Variants in HAPLN4 observed in about 807,000 individuals in gnomAD.
HAPLN4 encodes the protein hyaluronan and proteoglycan link protein 4, also known as brain link protein 2.
HAPLN4 carries 19 observed loss-of-function variants against 28.0 expected under a neutral mutation model. The ratio of observed to expected loss-of-function variants is 0.68; its 90% CI spans 0.47 to 1.00. HAPLN4 has a LOEUF of 1.00. HAPLN4 is among the 50% of genes least tolerant of loss of function. The pLI is 0.00. For synonymous variants in HAPLN4, 274 were observed against 273.0 expected, an observed-to-expected ratio of 1.00 and a Z score of -0.03; for missense variants, 587 against 602.6, an observed-to-expected ratio of 0.97 and a Z score of 0.27.
rs2060971689 is a variant in HAPLN4, at chr19:19,258,098, A to ACGCGG, written c.923_927dup (p.Trp310ProfsTer8). 6.4e-7 allele frequency: 1 copy of ACGCGG among 1,552,314 alleles called. No homozygotes were observed. Among genetic ancestry groups the ACGCGG allele is most frequent in the Non-Finnish European group, 8.7e-7 (1 of 1,155,958 alleles). ...CAGCGGTCTAGCAGCTGCAGCTTCC[A>ACGCGG]CGCGGCGAACAGCTGCCCCACCTTG... On this transcript the variant is annotated frameshift_variant, in exon 5 of 5. Transcript: ENST00000291481. LOFTEE classifies it low-confidence loss of function (END_TRUNC). This position sits in a 1 kb window ranked among gnomAD's most constrained non-coding sequence, Gnocchi z 6.2.
At chr19:19,259,448 G>A (rs1457194569) in intron 3 of HAPLN4, among the ~76,000 whole-genome samples, 1 of 152,228 alleles carries the variant, frequency 6.6e-6, no homozygotes, top group African/African-American at 2.4e-5. Flanking sequence ...TATTTTGTGT[G>A]TCTGTGTTTG....
Position 19,261,454 on chromosome 19 carries a change from T to G in HAPLN4, c.113A>C (p.His38Pro). 1.2e-6 allele frequency: 2 copies of G among 1,611,466 alleles called. No individual in the cohort carries two copies. The highest frequency in any genetic ancestry group is 1.1e-5 in the South Asian group (1 of 91,056). The change falls in exon 2 of 5, where the codon CAC (histidine) becomes CCC (proline). Residue 38 changes from histidine (H) to proline (P), a missense_variant. Transcript: ENST00000291481. ...GAQRGRKKVV[H>P]VLEGESGSVV... ...TAGCGGCCCTGACTCACCCAGCACG[T>G]GCACGACCTTCTTCCGGCCACGCTG...
chr19:19,261,429 T>C lies in HAPLN4; in HGVS notation c.121+17A>G, dbSNP rs762280494. ...TGCTTTTCGCGGAGAAGACCACTTT[T>C]AGCGGCCCTGACTCACCCAGCACGT... On this transcript the variant is annotated intron_variant, in intron 2 of 4. Transcript: ENST00000291481. 2 of 1,600,328 alleles carry C rather than the reference T, an allele frequency of 1.2e-6. No individual in the cohort carries two copies. The highest frequency in any genetic ancestry group is 1.7e-6 in the Non-Finnish European group (2 of 1,168,738).
chr19:19,262,677 T>C, intron 1 of HAPLN4, 53 bp downstream of exon 1: 1 of 1,598,740 alleles, frequency 6.3e-7, no homozygotes, highest in Non-Finnish European at 8.6e-7. Context: ...AGATATAGAA[T>C]CCAAGATTGG....
Position 19,258,573 on chromosome 19 carries a change from T to G in HAPLN4, c.767A>C (p.His256Pro). ...NGGLRNYGYR[H>P]NAEERYDAFC... ...GGCGTCGTAGCGTTCCTCGGCGTTA[T>G]GGCGATACCCGTAGTTGCGCAGGCC... Residue 256 changes from histidine to proline, a missense_variant, in exon 4 of 5, where the codon CAT becomes CCT. By Grantham distance (77) the His-to-Pro change is moderately conservative (BLOSUM62 -2). Transcript: ENST00000291481. This position sits in a 1 kb window ranked among gnomAD's most constrained non-coding sequence, Gnocchi z 6.2. 1 of 1,613,752 alleles carries G rather than the reference T, an allele frequency of 6.2e-7. No homozygotes were observed. The highest frequency in any genetic ancestry group is 8.5e-7 in the Non-Finnish European group (1 of 1,179,874).
chr19:19,258,135 G>A lies in HAPLN4; in HGVS notation c.891C>T (p.Gly297=), dbSNP rs1235596208. 1 of 1,549,890 alleles carries A rather than the reference G, an allele frequency of 6.5e-7. No homozygotes were observed. The highest frequency in any genetic ancestry group is 8.7e-7 in the Non-Finnish European group (1 of 1,155,014). The change falls in exon 5 of 5, where the codon GGC becomes GGT. Residue 297 remains glycine, a synonymous_variant. Coordinates refer to ENST00000291481, the MANE Select transcript of HAPLN4 (RefSeq NM_023002.3). The surrounding 1 kb of genome is among the most constrained non-coding windows in gnomAD (Gnocchi z 6.2). ...GCTGCCCCACCTTGGCCACGGCCGC[G>A]CCACGCGCAGCACACGCGCGCGCAG... ...SGAARACAAR[G]AAVAKVGQLF... is the part of the protein sequence containing the mutation.
rs2060965935 is a variant in HAPLN4 at position 19,256,426 on chromosome 19, T to A, written c.*1391A>T. 6.6e-6 allele frequency: 1 copy of A among 152,562 alleles called. No homozygotes were observed. Among genetic ancestry groups the A allele is most frequent in the Admixed American group, 6.5e-5 (1 of 15,286 alleles). 9.5% of individuals were successfully genotyped at this position (152,562 alleles called of 1,614,324 possible). A position where few individuals can be genotyped will look rare whatever the true frequency, so the allele number is the denominator to read the frequency against. On this transcript the variant is annotated 3_prime_UTR_variant, in exon 5 of 5. Coordinates refer to ENST00000291481, the MANE Select transcript of HAPLN4 (RefSeq NM_023002.3). ...AGGACTTCTGGCCCACAATGAGAAG[T>A]TCCTGAGAACTGGAAGTCTGGTTGT...
chr19:19,261,813 C>G, intron 1 of HAPLN4: 3 of 435,044 alleles, frequency 6.9e-6, no homozygotes, highest in Non-Finnish European at 8.0e-6. Context: ...TTCCCCCCCA[C>G]CCCAAAACCC....
At chr19:19,259,389 T>C (rs571681104) in intron 3 of HAPLN4, among the ~76,000 whole-genome samples, 57 of 152,274 alleles carry the variant, frequency 3.7e-4, no homozygotes, top group African/African-American at 1.4e-3. Flanking sequence ...TCAGTTCTGA[T>C]GACTTTGGAA....
intron 3 of HAPLN4, among the ~76,000 whole-genome samples, chr19:19,260,279 C>T (rs1017528993): frequency 5.3e-5 from 8 of 152,196 alleles, no homozygotes; most frequent in African/African-American, 1.2e-4. Context: ...TGCAGTGGCA[C>T]GATCTCCACT....
In HAPLN4 at chr19:19,258,043, G is replaced by A. The variant is rs866778389; in HGVS notation, c.983C>T (p.Ala328Val). The change falls in exon 5 of 5, where the codon GCG (alanine) becomes GTG (valine). Residue 328 changes from alanine to valine, a missense_variant. Ala to Val is a moderately conservative substitution (Grantham distance 64, BLOSUM62 0). Transcript: ENST00000291481. The surrounding 1 kb of genome is among the most constrained non-coding windows in gnomAD (Gnocchi z 6.2). ...CTAGWLADGS[A>V]RYPIVNPRAR... ...TCGCGGGTTCACGATGGGGTAGCGC[G>A]CACTGCCATCGGCCAGCCAACCCGC... The A allele has an allele frequency of 1.3e-6, 2 of 1,546,668 alleles. No individual in the cohort carries two copies. The highest frequency in any genetic ancestry group is 1.7e-6 in the Non-Finnish European group (2 of 1,152,262).
chr19:19,260,260 A>G (rs2060978644), intron 3 of HAPLN4, among the ~76,000 whole-genome samples: 1 of 152,144 alleles, frequency 6.6e-6, no homozygotes, highest in South Asian at 2.1e-4. Context: ...TCTGTCGCCC[A>G]GGCTGGAGTG....
rs766618240 is a variant in HAPLN4 at position 19,258,621 on chromosome 19, C to T, written c.719G>A (p.Gly240Glu). The T allele has an allele frequency of 1.9e-6, 3 of 1,613,068 alleles. No individual in the cohort carries two copies. The East Asian group carries it at 6.7e-5, about 36-fold the overall frequency. ...CGGLGGTGSAGGGGDANGGLR... is the reference protein window; with the variant it reads ...CGGLGGTGSAEGGGDANGGLR... ...GCCCCCGTTGGCATCACCGCCGCCC[C>T]CTGCACTCCCGGTCCCCCCCAGGCC... Residue 240 changes from glycine to glutamate, a missense_variant, in exon 4 of 5, where the codon GGG becomes GAG. Transcript: ENST00000291481. The surrounding 1 kb of genome is among the most constrained non-coding windows in gnomAD (Gnocchi z 6.2).
chr19:19,262,215 AAGAC>A (rs1359184797), intron 1 of HAPLN4, among the ~76,000 whole-genome samples: 1 of 107,774 alleles, frequency 9.3e-6, no homozygotes, highest in African/African-American at 3.7e-5. Flanking sequence ...TGGAGAGGGA[AAGAC>A]AGAGATGGAA....
At chr19:19,262,612 CAG>C in intron 1 of HAPLN4, 116 bp downstream of exon 1, 1 of 1,209,710 alleles carries the variant, frequency 8.3e-7, no homozygotes, top group Middle Eastern at 1.9e-4. Context: ...GGGTGAGAGA[CAG>C]AGAAAAGGAA....
At chr19:19,259,759 G>A (rs2060977340) in intron 3 of HAPLN4, among the ~76,000 whole-genome samples, 1 of 152,158 alleles carries the variant, frequency 6.6e-6, no homozygotes, top group Non-Finnish European at 1.5e-5. Flanking sequence ...TTATTGTTAG[G>A]GAGGTCAGCA....
At chr19:19,260,200 T>TTTTATTTTATTTATGTA (rs1161892166) in intron 3 of HAPLN4, among the ~76,000 whole-genome samples, 1 of 152,140 alleles carries the variant, frequency 6.6e-6, no homozygotes, top group Non-Finnish European at 1.5e-5. Context: ...ATCACTTTTA[T>TTTTATTTTATTTATGTA]TTTATTTTAT....
chr19:19,258,913 C>T lies in HAPLN4; in HGVS notation c.485-58G>A, dbSNP rs2060975418. 1.5e-6 allele frequency: 2 copies of T among 1,351,208 alleles called. No homozygotes were observed. The highest frequency in any genetic ancestry group is 9.9e-7 in the Non-Finnish European group (1 of 1,011,322). The allele number at this position is 1,351,208 out of a possible 1,614,324, so 83.7% of individuals were successfully genotyped here. A position where few individuals can be genotyped will look rare whatever the true frequency, so the allele number is the denominator to read the frequency against. On this transcript the variant is annotated intron_variant, in intron 3 of 4. Coordinates refer to ENST00000291481, the MANE Select transcript of HAPLN4 (RefSeq NM_023002.3). This position sits in a 1 kb window ranked among gnomAD's most constrained non-coding sequence, Gnocchi z 6.2. ...CCCCAGCCCACCCTCATGCACCTGA[C>T]GTCTGGGGTGCTATGTGACTCTTCA...
At position 19,262,734 on chromosome 19, in the gene HAPLN4, T is replaced by C; in HGVS notation, c.-2A>G. 5 of 1,611,562 alleles carry C rather than the reference T, an allele frequency of 3.1e-6. No homozygotes were observed. Among genetic ancestry groups the C allele is most frequent in the Non-Finnish European group, 4.2e-6 (5 of 1,178,962 alleles). On this transcript the variant is annotated 5_prime_UTR_variant, in exon 1 of 5. Transcript: ENST00000291481. ...CGCGCCCGCAGCCCCACTTACCATCTTGCCCGCGCGGCCCCCGCCGAGCGG... is the reference window on the plus strand; with the variant it reads ...CGCGCCCGCAGCCCCACTTACCATCCTGCCCGCGCGGCCCCCGCCGAGCGG...
Sources: gnomAD v4.1 joint callset for allele counts (sites outside exome capture counted in the v4.1 genomes callset) on GRCh38, gnomAD v4.1.1 for gene constraint, Gnocchi (gnomAD v3.1) non-coding constraint, MANE v1.5 for transcripts, NCBI Gene and HGNC (gene_info 2026-07-23, HGNC 2026-07-21) for gene names.